PLEKHA7: variants seen among roughly 807,000 people sequenced by gnomAD.
PLEKHA7 encodes pleckstrin homology domain containing A7.
PLEKHA7 carries 104 observed loss-of-function variants against 170.0 expected under a neutral mutation model. The observed-to-expected ratio is 0.61, with a 90% confidence interval of 0.52 to 0.72. PLEKHA7 has a LOEUF of 0.72. Ranked by LOEUF, PLEKHA7 falls within the 30% of genes least tolerant of loss-of-function variation. The pLI is 0.00. For synonymous variants in PLEKHA7, 648 were observed against 660.8 expected (o/e 0.98, Z 0.30); for missense variants, 1,615 against 1,671.7 (o/e 0.97, Z 0.59).
intron 3 of PLEKHA7, among the ~76,000 whole-genome samples, chr11:16,898,514 G>C (rs897144126): frequency 1.3e-5 from 2 of 152,190 alleles, no homozygotes; most frequent in Non-Finnish European, 1.5e-5. Context: ...CTGGAGGACA[G>C]AAGTAATAGT....
intron 3 of PLEKHA7, among the ~76,000 whole-genome samples, chr11:16,909,015 T>TC (rs1369415098): frequency 1.3e-5 from 2 of 152,024 alleles, no homozygotes; most frequent in Non-Finnish European, 2.9e-5. Context: ...ATCTCAGTTC[T>TC]CCCCCCTACT....
Position 16,804,218 on chromosome 11 carries a change from G to A in PLEKHA7, c.2008-923C>T, listed in dbSNP as rs114070612. ...AACCAAGTCTATTTTGCCTAATGTAGGGGAAACCACCTCACTGAGCTCTAT... is the reference window on the plus strand; with the variant it reads ...AACCAAGTCTATTTTGCCTAATGTAAGGGAAACCACCTCACTGAGCTCTAT... On this transcript the variant is annotated intron_variant, in intron 13 of 26. Transcript: ENST00000531066. Among the ~76,000 whole-genome samples the A allele has an allele frequency of 2.9e-3, 439 of 152,260 alleles. 2 individuals are homozygous for A. Among genetic ancestry groups the A allele is most frequent in the African/African-American group, 9.4e-3 (389 of 41,538 alleles).
At chr11:16,907,414 C>T (rs1380597443) in intron 3 of PLEKHA7, among the ~76,000 whole-genome samples, 1 of 130,250 alleles carries the variant, frequency 7.7e-6, no homozygotes, top group Non-Finnish European at 1.7e-5. Context: ...CCCGGCCAGC[C>T]GCCCCGTCCG....
intron 3 of PLEKHA7, among the ~76,000 whole-genome samples, chr11:16,983,389 G>A (rs917068853): frequency 1.3e-5 from 2 of 152,174 alleles, no homozygotes; most frequent in Non-Finnish European, 2.9e-5. Context: ...GACCATGTGA[G>A]AGGCTTGAGA....
At chr11:16,873,906 A>G (rs527850784) in intron 3 of PLEKHA7, among the ~76,000 whole-genome samples, 1 of 152,266 alleles carries the variant, frequency 6.6e-6, no homozygotes, top group African/African-American at 2.4e-5. Context: ...ACCTCAGGTG[A>G]TCCGCCCACC....
chr11:16,786,127 A>G, intron 24 of PLEKHA7, 102 bp downstream of exon 24: 1 of 1,362,962 alleles, frequency 7.3e-7, no homozygotes, highest in Non-Finnish European at 9.9e-7. Context: ...AAGCTGAGCC[A>G]TGTCCCTGTT....
intron 3 of PLEKHA7, among the ~76,000 whole-genome samples, chr11:16,972,146 G>A (rs1465163592): frequency 6.6e-6 from 1 of 150,562 alleles, no homozygotes; most frequent in African/African-American, 2.4e-5. Context: ...TTTTTGAGAT[G>A]GGGTCTCACT....
In PLEKHA7 at chr11:16,966,290, A is replaced by ATG. The variant is rs112176840; in HGVS notation, c.221+47697_221+47698dup. 6.6e-3 allele frequency among the ~76,000 whole-genome samples: 989 copies of ATG among 149,092 alleles called. 8 individuals carry two copies. The highest frequency in any genetic ancestry group is 0.018 in the East Asian group (89 of 5,060). ...GGACTGGAGGCATGGTTGTGCATGT[A>ATG]TGTGTGTGTGTGTGTGTGTGTGTGT... On this transcript the variant is annotated intron_variant, in intron 3 of 26. Transcript: ENST00000531066.
chr11:16,912,625 T>C (rs376470289), intron 3 of PLEKHA7, among the ~76,000 whole-genome samples: 73 of 152,284 alleles, frequency 4.8e-4, no homozygotes, highest in Middle Eastern at 6.8e-3. Flanking sequence ...CATCTCATCT[T>C]ACGTGTGTAG....
intron 3 of PLEKHA7, among the ~76,000 whole-genome samples, chr11:16,927,687 T>C (rs1475415817): frequency 1.3e-5 from 2 of 152,230 alleles, no homozygotes; most frequent in Admixed American, 6.5e-5. Context: ...AATTTGGCAA[T>C]ATGAATTAAA....
chr11:16,855,943 T>C (rs1853412657), intron 4 of PLEKHA7, 29 bp from the exon 5 acceptor site: 1 of 1,557,914 alleles, frequency 6.4e-7, no homozygotes, highest in East Asian at 2.2e-5. Flanking sequence ...TTCCAGTGAG[T>C]AAAAGCCGAG....
At chr11:16,989,293 T>G (rs2136935346) in intron 3 of PLEKHA7, among the ~76,000 whole-genome samples, 1 of 152,368 alleles carries the variant, frequency 6.6e-6, no homozygotes, top group African/African-American at 2.4e-5. Flanking sequence ...ACTAGAATCC[T>G]GGTCCTGTCA....
At chr11:16,958,302 G>A (rs1193946534) in intron 3 of PLEKHA7, among the ~76,000 whole-genome samples, 2 of 152,210 alleles carry the variant, frequency 1.3e-5, no homozygotes, top group East Asian at 3.9e-4. Context: ...GGGCAACAGA[G>A]CAAGACTCTG....
intron 3 of PLEKHA7, among the ~76,000 whole-genome samples, chr11:16,936,945 C>G (rs1860346005): frequency 6.6e-6 from 1 of 152,238 alleles, no homozygotes; most frequent in Admixed American, 6.5e-5. Flanking sequence ...AAAGAGCATG[C>G]CTTCCAGCAA....
chr11:16,876,280 G>A (rs1855287733), intron 3 of PLEKHA7, among the ~76,000 whole-genome samples: 1 of 152,258 alleles, frequency 6.6e-6, no homozygotes, highest in Non-Finnish European at 1.5e-5. Context: ...GTATAGAGAT[G>A]GCCCGGCTGA....
chr11:16,898,949 G>A (rs774065919), intron 3 of PLEKHA7, among the ~76,000 whole-genome samples: 51 of 152,092 alleles, frequency 3.4e-4, no homozygotes, highest in South Asian at 6.2e-4. Flanking sequence ...CATTTTTAAA[G>A]GCCTAAATGA....
intron 3 of PLEKHA7, among the ~76,000 whole-genome samples, chr11:16,946,142 C>T (rs941909127): frequency 3.9e-5 from 6 of 152,206 alleles, no homozygotes; most frequent in Non-Finnish European, 8.8e-5. Context: ...GATCTTTCCC[C>T]GTCTGGGTGC....
At chr11:16,812,134 C>CATGTTA (rs1849411568) in intron 13 of PLEKHA7, among the ~76,000 whole-genome samples, 1 of 152,198 alleles carries the variant, frequency 6.6e-6, no homozygotes, top group South Asian at 2.1e-4. Context: ...TTCTGCATCT[C>CATGTTA]CCCATGTCAT....
intron 8 of PLEKHA7, among the ~76,000 whole-genome samples, chr11:16,844,115 T>C (rs1233418721): frequency 6.6e-6 from 1 of 152,052 alleles, no homozygotes; most frequent in Non-Finnish European, 1.5e-5. Context: ...CCTATCCCAC[T>C]AGATACAAGC....
Sources: allele counts gnomAD v4.1 joint callset (sites outside exome capture counted in the v4.1 genomes callset), GRCh38; gene constraint gnomAD v4.1.1; transcripts MANE v1.5; gene names NCBI Gene and HGNC (gene_info 2026-07-23, HGNC 2026-07-21).